Variants in ASAH2 observed in about 807,000 individuals in gnomAD.
ASAH2 encodes neutral ceramidase.
In ASAH2, 58 loss-of-function variants were observed where a neutral mutation model predicts 82.9. The observed-to-expected ratio is 0.70, with a 90% CI of 0.57 to 0.87. ASAH2 has a LOEUF of 0.87. Ranked by LOEUF, ASAH2 falls within the 40% of genes least tolerant of loss-of-function variation. The pLI is 0.00. For missense variants in ASAH2, 779 were observed against 834.0 expected (o/e 0.93, Z 0.81); for synonymous variants, 276 against 289.7 (o/e 0.95, Z 0.48).
intron 9 of ASAH2, among the ~76,000 whole-genome samples, 171 bp downstream of exon 9, chr10:50,214,572 C>G (rs2133209493): frequency 6.6e-6 from 1 of 152,290 alleles, no homozygotes; most frequent in South Asian, 2.1e-4. Context: ...TAACTTCACT[C>G]AGTTAAAATT....
chr10:50,245,438 A>G lies in ASAH2; in HGVS notation c.144T>C (p.Phe48=), dbSNP rs192860010. The change falls in exon 3 of 21, where the codon TTT becomes TTC. Residue 48 remains phenylalanine (F), a synonymous_variant. Coordinates refer to ENST00000682911, the MANE Select transcript of ASAH2 (RefSeq NM_019893.4). ...IENHKDLGGH[F]FSTTQSPPAT... ...CTGGAGGGCTTTGGGTGGTTGAAAA[A>G]AAATGGCCTCCTAAATCTAAAACAG... 1 of 1,613,284 alleles carries G rather than the reference A, an allele frequency of 6.2e-7. No individual in the cohort carries two copies.
At chr10:50,201,572 G>A (rs1421337820) in intron 16 of ASAH2, among the ~76,000 whole-genome samples, 4 of 152,058 alleles carry the variant, frequency 2.6e-5, no homozygotes, top group Non-Finnish European at 5.9e-5. Flanking sequence ...ACTGCAGGGG[G>A]GTTCAGGGAA....
At chr10:50,217,991 G>A (rs912730964) in intron 8 of ASAH2, among the ~76,000 whole-genome samples, 3 of 152,104 alleles carry the variant, frequency 2.0e-5, no homozygotes, top group East Asian at 3.9e-4. Flanking sequence ...TGGGCGTGGG[G>A]GTGTGCACCT....
At position 50,234,459 on chromosome 10, in the gene ASAH2, A is replaced by G; in HGVS notation, c.781T>C (p.Ser261Pro). Reference sequence around the variant, plus strand: ...TCTGACTGCGGATTTTGAAGGTAAGAATACGGACTTCTGTTGATCTGCACA... The same window carrying G: ...TCTGACTGCGGATTTTGAAGGTAAGGATACGGACTTCTGTTGATCTGCACA... ...DGVQINRSPY[S>P]YLQNPQSERA... The change falls in exon 6 of 21, where the codon TCT becomes CCT. Residue 261 changes from serine to proline, a missense_variant. Ser to Pro is a moderately conservative substitution (Grantham distance 74, BLOSUM62 -1). Coordinates refer to ENST00000682911, the MANE Select transcript of ASAH2 (RefSeq NM_019893.4). 1 of 1,613,026 alleles carries G rather than the reference A, an allele frequency of 6.2e-7. No homozygotes were observed. Among genetic ancestry groups the G allele is most frequent in the Non-Finnish European group, 8.5e-7 (1 of 1,179,286 alleles).
At chr10:50,216,444 G>A (rs2133211094) in intron 8 of ASAH2, among the ~76,000 whole-genome samples, 1 of 152,250 alleles carries the variant, frequency 6.6e-6, no homozygotes, top group East Asian at 1.9e-4. Flanking sequence ...TTCAAATTAT[G>A]CCTCAAACAG....
Position 50,234,443 on chromosome 10 carries a change from G to T in ASAH2, c.797C>A (p.Pro266Gln), listed in dbSNP as rs368163730. ...TCCTCACCTTGCTCTCTCTGACTGC[G>T]GATTTTGAAGGTAAGAATACGGACT... is the stretch of plus-strand genomic sequence containing the variant. ...NRSPYSYLQN[P>Q]QSERARYSSN... is the part of the protein sequence containing the mutation. Residue 266 changes from proline to glutamine, a missense_variant, in exon 6 of 21, where the codon CCG becomes CAG. Pro to Gln is a moderately conservative substitution (Grantham distance 76). This residue lies in a region of ASAH2 where 759 missense variants were observed against 755.2 expected (regional missense o/e 1.00). Coordinates refer to ENST00000682911, the MANE Select transcript of ASAH2 (RefSeq NM_019893.4). The T allele has an allele frequency of 5.0e-6, 8 of 1,612,898 alleles. No individual in the cohort carries two copies. Among genetic ancestry groups the T allele is most frequent in the Non-Finnish European group, 5.1e-6 (6 of 1,179,226 alleles).
chr10:50,206,141 T>G lies in ASAH2; in HGVS notation c.1415-44A>C. 5 of 1,377,000 alleles carry G rather than the reference T, an allele frequency of 3.6e-6. No individual in the cohort carries two copies. In the South Asian group the frequency reaches 5.8e-5, roughly 16 times the overall value. 85.3% of individuals were successfully genotyped at this position (1,377,000 alleles called of 1,614,324 possible). ...TTAGTATACTTCCTTGAACCAACCC[T>G]CTCAAAAAAGTCATTATCTTGACAA... On this transcript the variant is annotated intron_variant, in intron 12 of 20. Transcript: ENST00000682911.
At chr10:50,248,352 G>T in intron 2 of ASAH2, 132 bp downstream of exon 2, 1 of 1,114,346 alleles carries the variant, frequency 9.0e-7, no homozygotes, top group Non-Finnish European at 1.3e-6. Flanking sequence ...TGCAAAGGGA[G>T]ACGGCTATTC....
intron 2 of ASAH2, 76 bp downstream of exon 2, chr10:50,248,408 C>T: frequency 2.6e-6 from 4 of 1,540,694 alleles, no homozygotes; most frequent in Admixed American, 1.9e-5. Context: ...CACTGTTTTT[C>T]TCTTTGGTGT....
intron 4 of ASAH2, among the ~76,000 whole-genome samples, chr10:50,236,916 T>C (rs1302304421): frequency 8.5e-5 from 13 of 152,136 alleles, no homozygotes; most frequent in African/African-American, 2.4e-4. Context: ...GAAGATATTT[T>C]TTTTCTAATG....
intron 1 of ASAH2, among the ~76,000 whole-genome samples, chr10:50,249,197 A>G (rs1006459651): frequency 6.6e-6 from 1 of 152,210 alleles, no homozygotes. Context: ...CTATCTGGTG[A>G]GAAATGGGCA....
intron 16 of ASAH2, among the ~76,000 whole-genome samples, chr10:50,200,346 CTACCATCTCCT>C (rs1845107085): frequency 6.6e-6 from 1 of 151,086 alleles, no homozygotes; most frequent in African/African-American, 2.4e-5. Context: ...CCCACTCTGG[CTACCATCTCCT>C]TACCATCACC....
intron 9 of ASAH2, among the ~76,000 whole-genome samples, chr10:50,214,221 T>C (rs1306730117): frequency 6.6e-6 from 1 of 152,184 alleles, no homozygotes; most frequent in Non-Finnish European, 1.5e-5. Flanking sequence ...TAGTAACTTC[T>C]GGGAAGAGCA....
chr10:50,223,991 C>A (rs1003265775), intron 7 of ASAH2, among the ~76,000 whole-genome samples: 1 of 152,156 alleles, frequency 6.6e-6, no homozygotes, highest in African/African-American at 2.4e-5. Flanking sequence ...CTTCTGGCCT[C>A]CTGACCTGTG....
chr10:50,214,845 A>G lies in ASAH2; in HGVS notation c.1038T>C (p.Ala346=), dbSNP rs1216546613. Residue 346 remains alanine (A), a synonymous_variant, in exon 9 of 21, where the codon GCT becomes GCC. Coordinates refer to ENST00000682911, the MANE Select transcript of ASAH2 (RefSeq NM_019893.4). ...GGGACACATCTCCTAGGTTTGATGAAGCAAAGGCTGCTACAAATGGCCCCT... is the reference window on the plus strand; with the variant it reads ...GGGACACATCTCCTAGGTTTGATGAGGCAAAGGCTGCTACAAATGGCCCCT... ...PGQGPFVAAF[A]SSNLGDVSPN... is the part of the protein sequence containing the mutation. The G allele has an allele frequency of 6.2e-7, 1 of 1,613,726 alleles. No homozygotes were observed. The highest frequency in any genetic ancestry group is 2.2e-5 in the East Asian group (1 of 44,864).
At chr10:50,202,078 CT>C (rs35912047) in intron 16 of ASAH2, among the ~76,000 whole-genome samples, 2 of 151,950 alleles carry the variant, frequency 1.3e-5, no homozygotes, top group Non-Finnish European at 2.9e-5. Context: ...ATTAAGATCC[CT>C]TTTTCAATGG....
intron 1 of ASAH2, among the ~76,000 whole-genome samples, chr10:50,249,664 A>T (rs1289005991): frequency 6.6e-6 from 1 of 152,218 alleles, no homozygotes; most frequent in Non-Finnish European, 1.5e-5. Context: ...ATAAGATGAG[A>T]TGAAGCAACA....
chr10:50,194,114 T>G (rs1386463675), intron 18 of ASAH2, among the ~76,000 whole-genome samples: 1 of 151,380 alleles, frequency 6.6e-6, no homozygotes, highest in Non-Finnish European at 1.5e-5. Context: ...ATGCCAATCT[T>G]TTGGATACTT....
chr10:50,247,587 A>G (rs2813307), intron 2 of ASAH2, among the ~76,000 whole-genome samples: 44,590 of 151,994 alleles, frequency 0.29, 6,801 homozygotes, highest in Non-Finnish European at 0.31. Context: ...CCTGGGACAT[A>G]GTAGAGAATG....
Sources: allele counts gnomAD v4.1 joint callset (sites outside exome capture counted in the v4.1 genomes callset), GRCh38; gene constraint gnomAD v4.1.1; regional missense constraint gnomAD v4.1.1; transcripts MANE v1.5; gene names NCBI Gene and HGNC (gene_info 2026-07-23, HGNC 2026-07-21).